Variants in STPG2 observed in about 807,000 individuals in gnomAD.
STPG2 encodes sperm tail PG-rich repeat containing 2, also known as sperm-tail PG-rich repeat-containing protein 2.
Under a neutral mutation model 54.2 loss-of-function variants are expected in STPG2, and 56 were observed. That is an observed-to-expected ratio of 1.03 (90% CI 0.83 to 1.29). The LOEUF (loss-of-function observed/expected upper bound fraction) is 1.29, where lower values mean the gene tolerates loss of function less well. STPG2 is among the 50% of genes most tolerant of loss of function. The pLI is 0.00. For missense variants in STPG2, 596 were observed against 544.9 expected (o/e 1.09, Z -0.93); for synonymous variants, 200 against 181.8 (o/e 1.10, Z -0.81).
intron 8 of STPG2, among the ~76,000 whole-genome samples, chr4:97,842,425 T>C (rs1283831042): frequency 6.6e-6 from 1 of 151,886 alleles, no homozygotes; most frequent in Non-Finnish European, 1.5e-5. Context: ...GAAGAGATTA[T>C]AAAAACACAA....
chr4:97,982,298 C>T (rs567926315), intron 5 of STPG2, among the ~76,000 whole-genome samples: 13 of 151,346 alleles, frequency 8.6e-5, no homozygotes, highest in Middle Eastern at 3.4e-3. Flanking sequence ...TATCATGTTA[C>T]CTCATTTGCC....
In STPG2 at chr4:98,128,332, A is replaced by T; in HGVS notation, c.387+96T>A. Reference sequence around the variant, plus strand: ...GTTCCATTAACTAAAACGTGTAATCATTTTTTTCTTGGAGAAATAAGCCAG... The same window carrying T: ...GTTCCATTAACTAAAACGTGTAATCTTTTTTTTCTTGGAGAAATAAGCCAG... On this transcript the variant is annotated intron_variant, in intron 3 of 10. Coordinates refer to ENST00000295268, the MANE Select transcript of STPG2 (RefSeq NM_174952.3). 3 of 1,175,932 alleles carry T rather than the reference A, an allele frequency of 2.6e-6. No individual in the cohort carries two copies. The South Asian group carries it at 6.4e-5, about 25-fold the overall frequency. The allele number at this position is 1,175,932 out of a possible 1,614,324, so 72.8% of individuals were successfully genotyped here. A position where few individuals can be genotyped will look rare whatever the true frequency, so the allele number is the denominator to read the frequency against.
At chr4:97,845,156 G>A (rs189869008) in intron 8 of STPG2, among the ~76,000 whole-genome samples, 2 of 148,084 alleles carry the variant, frequency 1.4e-5, no homozygotes, top group Admixed American at 6.7e-5. Flanking sequence ...TATCTAATAA[G>A]TTTTTTTTTT....
chr4:97,880,888 C>A (rs1411797614), intron 8 of STPG2, among the ~76,000 whole-genome samples: 1 of 151,812 alleles, frequency 6.6e-6, no homozygotes, highest in African/African-American at 2.4e-5. Context: ...TTTTTGTTAA[C>A]ATAATTTTAA....
chr4:97,831,101 A>G (rs946981378), intron 9 of STPG2, among the ~76,000 whole-genome samples: 2 of 152,192 alleles, frequency 1.3e-5, no homozygotes, highest in Admixed American at 1.3e-4. Context: ...GACTTATTCT[A>G]AAATTGACCA....
rs573840112 is a variant in STPG2, at chr4:97,670,074, A to T, written c.1320+42625T>A. Among the ~76,000 whole-genome samples the T allele has an allele frequency of 1.7e-3, 259 of 152,050 alleles. 1 individual carries two copies. The highest frequency in any genetic ancestry group is 5.9e-3 in the African/African-American group (244 of 41,500). ...TTTAAAAAAATTGTAAGTATAATTTAAAAAAAACCCTATCCAAGAAAAATA... is the reference window on the plus strand; with the variant it reads ...TTTAAAAAAATTGTAAGTATAATTTTAAAAAAACCCTATCCAAGAAAAATA... On this transcript the variant is annotated intron_variant, in intron 10 of 10. Coordinates refer to ENST00000295268, the MANE Select transcript of STPG2 (RefSeq NM_174952.3).
intron 5 of STPG2, among the ~76,000 whole-genome samples, chr4:98,007,372 A>C (rs1309641896): frequency 1.3e-5 from 2 of 152,184 alleles, no homozygotes; most frequent in African/African-American, 2.4e-5. Context: ...CAAAAAATTC[A>C]TAGATTCTTC....
chr4:98,030,164 G>A (rs142777229), intron 5 of STPG2, among the ~76,000 whole-genome samples: 302 of 152,270 alleles, frequency 2.0e-3, no homozygotes, highest in African/African-American at 7.1e-3. Flanking sequence ...CAATATACCA[G>A]ACTATGTTGT....
chr4:97,448,739 C>T (rs944455149), intron 4 of STPG2, among the ~76,000 whole-genome samples: 1 of 152,048 alleles, frequency 6.6e-6, no homozygotes, highest in African/African-American at 2.4e-5. Context: ...GATACACTCA[C>T]CATTTAGTAG....
At chr4:97,583,802 A>G (rs1438937560) in intron 10 of STPG2, among the ~76,000 whole-genome samples, 1 of 152,044 alleles carries the variant, frequency 6.6e-6, no homozygotes, top group Non-Finnish European at 1.5e-5. Context: ...CAATGATAAA[A>G]GAATCAGTCC....
intron 5 of STPG2, among the ~76,000 whole-genome samples, chr4:98,043,577 A>G (rs961061657): frequency 1.3e-5 from 2 of 152,050 alleles, no homozygotes; most frequent in Non-Finnish European, 2.9e-5. Context: ...CTTGCATCCA[A>G]GTACTCTTCA....
chr4:97,622,710 A>T (rs536884003), intron 10 of STPG2, among the ~76,000 whole-genome samples: 96 of 152,268 alleles, frequency 6.3e-4, no homozygotes, highest in African/African-American at 2.1e-3. Context: ...TACAGACTCA[A>T]TGCTATTCCT....
intron 5 of STPG2, among the ~76,000 whole-genome samples, chr4:98,049,451 G>A (rs548627809): frequency 6.6e-6 from 1 of 152,282 alleles, no homozygotes; most frequent in East Asian, 1.9e-4. Context: ...AAGAACCCAG[G>A]AGCTAAATCC....
chr4:97,617,022 T>C (rs988061658), intron 10 of STPG2, among the ~76,000 whole-genome samples: 3 of 152,124 alleles, frequency 2.0e-5, no homozygotes, highest in Non-Finnish European at 2.9e-5. Flanking sequence ...AGTATGTTAG[T>C]TTATAAAGCT....
At chr4:97,677,200 G>C (rs923009967) in intron 10 of STPG2, among the ~76,000 whole-genome samples, 1 of 152,142 alleles carries the variant, frequency 6.6e-6, no homozygotes, top group African/African-American at 2.4e-5. Flanking sequence ...TGAAACTGAA[G>C]ATTGTTACCT....
chr4:98,109,151 G>T, intron 4 of STPG2, 42 bp downstream of exon 4: 1 of 1,217,630 alleles, frequency 8.2e-7, no homozygotes, highest in Non-Finnish European at 1.1e-6. Context: ...TACTTTTCTA[G>T]TCAAGAGCTA....
chr4:98,025,912 T>C (rs959373227), intron 5 of STPG2: 22 of 1,513,768 alleles, frequency 1.5e-5, no homozygotes, highest in Non-Finnish European at 1.9e-5. Flanking sequence ...TCCCTCACAG[T>C]ACCAAATGAT....
chr4:98,054,421 C>T (rs1737421458), intron 5 of STPG2, among the ~76,000 whole-genome samples: 1 of 152,072 alleles, frequency 6.6e-6, no homozygotes, highest in South Asian at 2.1e-4. Context: ...ATAACCTTTG[C>T]ATTGGATTAT....
At chr4:98,007,514 G>A (rs1032778861) in intron 5 of STPG2, among the ~76,000 whole-genome samples, 2 of 152,134 alleles carry the variant, frequency 1.3e-5, no homozygotes, top group Non-Finnish European at 2.9e-5. Context: ...TTCTCTAGAG[G>A]AGAAGTATAA....
Sources: gnomAD v4.1 joint callset for allele counts (sites outside exome capture counted in the v4.1 genomes callset) on GRCh38, gnomAD v4.1.1 for gene constraint, MANE v1.5 for transcripts, NCBI Gene and HGNC (gene_info 2026-07-23, HGNC 2026-07-21) for gene names.